Variants in PARD3 observed in about 807,000 individuals in gnomAD.
PARD3 encodes the protein par-3 family cell polarity regulator.
Under a neutral mutation model 155.4 loss-of-function variants are expected in PARD3, and 75 were observed. The observed-to-expected ratio is 0.48, with a 90% CI of 0.40 to 0.58. The LOEUF is 0.58. PARD3 is among the 20% of genes least tolerant of loss of function. PARD3 has a pLI of 0.00. For synonymous variants in PARD3, 576 were observed against 610.5 expected (o/e 0.94, Z 0.83); for missense variants, 1,642 against 1,721.7 (o/e 0.95, Z 0.82).
chr10:34,115,181 T>C (rs960649092), intron 24 of PARD3, among the ~76,000 whole-genome samples: 1 of 151,866 alleles, frequency 6.6e-6, no homozygotes, highest in Admixed American at 6.6e-5. Context: ...ACATAACAAA[T>C]GGGCCTCGTG....
At position 34,517,018 on chromosome 10, in the gene PARD3, T is replaced by A; in HGVS notation, c.364A>T (p.Thr122Ser). 6.2e-7 allele frequency: 1 copy of A among 1,614,194 alleles called. No homozygotes were observed. Residue 122 changes from threonine to serine, a missense_variant, in exon 3 of 25, where the codon ACA becomes TCA. Physicochemically the swap from Thr to Ser is moderately conservative, Grantham distance 58. Coordinates refer to ENST00000374788, the MANE Select transcript of PARD3 (RefSeq NM_001184785.2). ...NVSAFQPYQA[T>S]SEIEVTPSVL... The stretch of plus-strand genomic sequence containing the variant: ...GAAGGTGTGACCTCAATTTCACTTG[T>A]TGCTTGGTAAGGCTGAAAGGCTGAG...
At chr10:34,793,117 G>C (rs940190250) in intron 1 of PARD3, among the ~76,000 whole-genome samples, 1 of 152,196 alleles carries the variant, frequency 6.6e-6, no homozygotes, top group African/African-American at 2.4e-5. Context: ...AGTCAGCCTT[G>C]AGCCCACCTG....
At chr10:34,496,306 C>T (rs1349604147) in intron 3 of PARD3, among the ~76,000 whole-genome samples, 4 of 151,828 alleles carry the variant, frequency 2.6e-5, no homozygotes, top group African/African-American at 9.7e-5. Context: ...GAACTGTATA[C>T]CTCAGAGTAA....
chr10:34,531,438 T>G (rs745602412), intron 2 of PARD3, among the ~76,000 whole-genome samples: 37 of 152,340 alleles, frequency 2.4e-4, no homozygotes, highest in Non-Finnish European at 3.1e-4. Flanking sequence ...CTTCAGCTTC[T>G]TGTTGCTTTA....
chr10:34,165,040 CCT>C (rs1199196849), intron 22 of PARD3, among the ~76,000 whole-genome samples: 1 of 151,894 alleles, frequency 6.6e-6, no homozygotes, highest in Admixed American at 6.6e-5. Context: ...CTTTGTGGCC[CCT>C]GTTAGAAGAC....
At chr10:34,400,505 A>G (rs1843766733) in intron 6 of PARD3, among the ~76,000 whole-genome samples, 1 of 152,166 alleles carries the variant, frequency 6.6e-6, no homozygotes, top group Non-Finnish European at 1.5e-5. Context: ...TCTAAGCAGT[A>G]TTTACCTAAC....
intron 3 of PARD3, among the ~76,000 whole-genome samples, chr10:34,493,535 C>G (rs2080057585): frequency 6.6e-6 from 1 of 152,006 alleles, no homozygotes; most frequent in African/African-American, 2.4e-5. Context: ...AGTTCCAGAC[C>G]AGCCTGGCTA....
intron 11 of PARD3, among the ~76,000 whole-genome samples, chr10:34,373,679 T>C (rs1294991435): frequency 6.6e-6 from 1 of 152,080 alleles, no homozygotes; most frequent in Non-Finnish European, 1.5e-5. Context: ...TTTTTAAATA[T>C]AAAGAAGTTT....
intron 14 of PARD3, among the ~76,000 whole-genome samples, chr10:34,354,442 AG>A (rs755212618): frequency 4.8e-4 from 73 of 152,134 alleles, no homozygotes; most frequent in Non-Finnish European, 5.7e-4. Context: ...CTGATGTGTC[AG>A]GCCTGGGTTG....
At chr10:34,545,124 AT>A (rs1355246568) in intron 2 of PARD3, among the ~76,000 whole-genome samples, 2 of 152,202 alleles carry the variant, frequency 1.3e-5, no homozygotes, top group African/African-American at 4.8e-5. Flanking sequence ...AAGGGTGTTA[AT>A]GGCTATTTGA....
chr10:34,598,308 T>A (rs943349508), intron 2 of PARD3, among the ~76,000 whole-genome samples: 3 of 151,850 alleles, frequency 2.0e-5, no homozygotes, highest in Admixed American at 2.0e-4. Context: ...AAAAAAATGA[T>A]ATTACAAATA....
chr10:34,163,205 G>T (rs1187920845), intron 22 of PARD3, among the ~76,000 whole-genome samples: 1 of 152,132 alleles, frequency 6.6e-6, no homozygotes, highest in African/African-American at 2.4e-5. Flanking sequence ...CACCTAGGAA[G>T]TTAAGTCTTG....
At chr10:34,588,905 G>C (rs1310853721) in intron 2 of PARD3, among the ~76,000 whole-genome samples, 1 of 152,164 alleles carries the variant, frequency 6.6e-6, no homozygotes, top group African/African-American at 2.4e-5. Flanking sequence ...CAAAGTCTGA[G>C]GGGTACTGCT....
At chr10:34,362,034 T>C (rs546908924) in intron 12 of PARD3, among the ~76,000 whole-genome samples, 3 of 152,102 alleles carry the variant, frequency 2.0e-5, no homozygotes, top group East Asian at 1.9e-4. Context: ...TCCCAGCACT[T>C]TGGGAGGCCG....
intron 22 of PARD3, among the ~76,000 whole-genome samples, chr10:34,208,515 G>T (rs957785731): frequency 6.6e-6 from 1 of 152,166 alleles, no homozygotes; most frequent in Non-Finnish European, 1.5e-5. Context: ...TTTTAACAAG[G>T]CTGTTTACTA....
intron 2 of PARD3, among the ~76,000 whole-genome samples, chr10:34,584,763 C>G (rs563454136): frequency 6.6e-6 from 1 of 152,162 alleles, no homozygotes; most frequent in South Asian, 2.1e-4. Context: ...GTCAATTAAG[C>G]TAACTGGGCA....
At chr10:34,423,444 G>A (rs1364441939) in intron 5 of PARD3, among the ~76,000 whole-genome samples, 1 of 152,066 alleles carries the variant, frequency 6.6e-6, no homozygotes, top group Non-Finnish European at 1.5e-5. Flanking sequence ...CTTGAAAACT[G>A]CTAAGAAAAC....
At chr10:34,766,617 CAA>C (rs34958448) in intron 1 of PARD3, among the ~76,000 whole-genome samples, 969 of 81,816 alleles carry the variant, frequency 0.012, 2 homozygotes, top group Middle Eastern at 0.022. Flanking sequence ...ACTTAATTGA[CAA>C]AAAAAAAAAA....
chr10:34,474,827 T>C (rs973611297), intron 3 of PARD3, among the ~76,000 whole-genome samples: 3 of 152,236 alleles, frequency 2.0e-5, no homozygotes, highest in African/African-American at 7.2e-5. Flanking sequence ...GTTTTCCTAG[T>C]AGAATTATGC....
Sources: allele counts gnomAD v4.1 joint callset (sites outside exome capture counted in the v4.1 genomes callset), GRCh38; gene constraint gnomAD v4.1.1; transcripts MANE v1.5; gene names NCBI Gene and HGNC (gene_info 2026-07-23, HGNC 2026-07-21).